CNTNAP2: variants seen among roughly 807,000 people sequenced by gnomAD.
CNTNAP2 encodes the protein contactin-associated protein-like 2.
A neutral mutation model predicts 155.2 loss-of-function variants in CNTNAP2; 98 were observed. The ratio of observed to expected loss-of-function variants is 0.63; its 90% confidence interval spans 0.54 to 0.75. The LOEUF (loss-of-function observed/expected upper bound fraction) is 0.75. Among genes scored for constraint, CNTNAP2 ranks in the 30% least tolerant of loss-of-function variants. CNTNAP2 has a pLI of 0.00. For synonymous variants in CNTNAP2, 651 were observed against 631.2 expected (o/e 1.03, Z -0.47); for missense variants, 1,727 against 1,688.1 (o/e 1.02, Z -0.40).
At position 148,279,868 on chromosome 7, in the gene CNTNAP2, G is replaced by A. The variant is rs192636829; in HGVS notation, c.3475+12742G>A. Among the ~76,000 whole-genome samples, 324 of 152,288 alleles carry A rather than the reference G, an allele frequency of 2.1e-3. 1 individual carries two copies. The highest frequency in any genetic ancestry group is 7.0e-3 in the African/African-American group (292 of 41,548). On this transcript the variant is annotated intron_variant, in intron 21 of 23. Transcript: ENST00000361727. Reference sequence around the variant, plus strand: ...AATCGTGCCAATGGAAAAAAAGCCAGTCCCAAAAGGTTACATACCCAATGA... The same window carrying A: ...AATCGTGCCAATGGAAAAAAAGCCAATCCCAAAAGGTTACATACCCAATGA...
At chr7:146,783,632 A>T (rs1802526672) in intron 2 of CNTNAP2, among the ~76,000 whole-genome samples, 1 of 152,166 alleles carries the variant, frequency 6.6e-6, no homozygotes, top group Non-Finnish European at 1.5e-5. Flanking sequence ...CAACCATTAC[A>T]CTCAATTTTA....
At chr7:148,117,435 C>T (rs1443992186) in intron 15 of CNTNAP2, among the ~76,000 whole-genome samples, 2 of 152,202 alleles carry the variant, frequency 1.3e-5, no homozygotes, top group Non-Finnish European at 2.9e-5. Flanking sequence ...TTCCCGGCTC[C>T]TCACCTCCTC....
At chr7:147,458,311 C>A (rs1241722303) in intron 10 of CNTNAP2, among the ~76,000 whole-genome samples, 2 of 151,970 alleles carry the variant, frequency 1.3e-5, no homozygotes, top group African/African-American at 4.8e-5. Flanking sequence ...TGGCACTTGT[C>A]CTTATGTCCA....
rs189236745 is a variant in CNTNAP2, at chr7:146,837,417, T to A, written c.209-2294T>A. Among the ~76,000 whole-genome samples, 3 of 152,276 alleles carry A rather than the reference T, an allele frequency of 2.0e-5. No homozygotes were observed. In the East Asian group the frequency reaches 5.8e-4, roughly 29 times the overall value. On this transcript the variant is annotated intron_variant, in intron 2 of 23. Coordinates refer to ENST00000361727, the MANE Select transcript of CNTNAP2 (RefSeq NM_014141.6). ...AAATTTCCATTTTGTTCTCGTTTGT[T>A]GCTTTTCTCCTTCAACATTTTGCAT...
chr7:147,394,784 A>C (rs1796782284), intron 9 of CNTNAP2, among the ~76,000 whole-genome samples: 1 of 146,080 alleles, frequency 6.8e-6, no homozygotes, highest in South Asian at 2.2e-4. Flanking sequence ...TGGGCATTCT[A>C]TTTCCTAATA....
intron 15 of CNTNAP2, among the ~76,000 whole-genome samples, chr7:148,100,968 A>G (rs1044430066): frequency 5.3e-5 from 8 of 152,138 alleles, no homozygotes; most frequent in African/African-American, 1.7e-4. Context: ...TGAAGAGTTC[A>G]TGTCCTTTGT....
intron 13 of CNTNAP2, among the ~76,000 whole-genome samples, chr7:147,898,725 G>C (rs1249943294): frequency 4.6e-5 from 7 of 152,028 alleles, no homozygotes; most frequent in Non-Finnish European, 4.4e-5. Flanking sequence ...TCACCATCTT[G>C]GCCAGGCTGA....
chr7:147,216,440 T>G (rs1803270656), intron 8 of CNTNAP2, among the ~76,000 whole-genome samples: 1 of 151,984 alleles, frequency 6.6e-6, no homozygotes, highest in African/African-American at 2.4e-5. Context: ...AGACTTTCTT[T>G]GCTCCATCGT....
intron 15 of CNTNAP2, among the ~76,000 whole-genome samples, chr7:147,988,151 T>G (rs1801651372): frequency 6.6e-6 from 1 of 152,160 alleles, no homozygotes; most frequent in African/African-American, 2.4e-5. Context: ...ATTGACAATT[T>G]GTTGAGTTTG....
intron 3 of CNTNAP2, among the ~76,000 whole-genome samples, chr7:146,982,859 A>G (rs1290427118): frequency 2.0e-5 from 3 of 152,206 alleles, no homozygotes; most frequent in Non-Finnish European, 4.4e-5. Flanking sequence ...GCCCATTTCC[A>G]ATTCTTTGAT....
At chr7:147,849,703 C>G (rs1391771453) in intron 13 of CNTNAP2, among the ~76,000 whole-genome samples, 1 of 152,210 alleles carries the variant, frequency 6.6e-6, no homozygotes, top group African/African-American at 2.4e-5. Flanking sequence ...CACCTGCGAG[C>G]AGGCCAGGGA....
intron 11 of CNTNAP2, among the ~76,000 whole-genome samples, chr7:147,561,692 T>G (rs1800067272): frequency 6.6e-6 from 1 of 152,124 alleles, no homozygotes; most frequent in East Asian, 1.9e-4. Flanking sequence ...AGTGTGCATG[T>G]GAGTGTATGT....
At chr7:147,869,621 A>G (rs898131404) in intron 13 of CNTNAP2, among the ~76,000 whole-genome samples, 2 of 152,214 alleles carry the variant, frequency 1.3e-5, no homozygotes. Context: ...ATAACTAAGG[A>G]AGGGAAGTGA....
intron 1 of CNTNAP2, among the ~76,000 whole-genome samples, chr7:146,399,281 T>C (rs1397347684): frequency 1.3e-5 from 2 of 152,174 alleles, no homozygotes; most frequent in African/African-American, 4.8e-5. Flanking sequence ...ATTCCCATTG[T>C]CTAACTGAAA....
chr7:146,747,857 GATTGAAC>G (rs550704112), intron 1 of CNTNAP2, among the ~76,000 whole-genome samples: 180 of 152,108 alleles, frequency 1.2e-3, no homozygotes, highest in Non-Finnish European at 1.8e-3. Flanking sequence ...TTAGAGCATT[GATTGAAC>G]ATTGATGAAA....
At chr7:146,741,763 C>T (rs1038163576) in intron 1 of CNTNAP2, among the ~76,000 whole-genome samples, 28 of 151,970 alleles carry the variant, frequency 1.8e-4, no homozygotes, top group Non-Finnish European at 4.1e-4. Context: ...TTGCATGAGG[C>T]CGCAAGTGCT....
At chr7:146,971,549 G>A (rs1797799096) in intron 3 of CNTNAP2, among the ~76,000 whole-genome samples, 1 of 152,174 alleles carries the variant, frequency 6.6e-6, no homozygotes, top group Admixed American at 6.5e-5. Flanking sequence ...ATGTCTCACA[G>A]TTCTGGAAGC....
chr7:147,778,432 A>T (rs991500418), intron 13 of CNTNAP2, among the ~76,000 whole-genome samples: 3 of 152,242 alleles, frequency 2.0e-5, no homozygotes, highest in African/African-American at 7.2e-5. Flanking sequence ...TAAAATGTTC[A>T]GGAATCACAT....
At chr7:147,729,483 G>C (rs1035162692) in intron 13 of CNTNAP2, among the ~76,000 whole-genome samples, 3 of 151,364 alleles carry the variant, frequency 2.0e-5, no homozygotes, top group Non-Finnish European at 2.9e-5. Flanking sequence ...CAATGGCAAA[G>C]ATGAGGATAG....
Sources: allele counts gnomAD v4.1 joint callset (sites outside exome capture counted in the v4.1 genomes callset), GRCh38; gene constraint gnomAD v4.1.1; transcripts MANE v1.5; gene names NCBI Gene and HGNC (gene_info 2026-07-23, HGNC 2026-07-21).